The following FSD1 variants were observed in gnomAD, a reference collection of about 807,000 sequenced individuals.
FSD1 encodes fibronectin type III and SPRY domain containing 1, also known as fibronectin type III and SPRY domain-containing protein 1.
A neutral mutation model predicts 58.2 loss-of-function variants in FSD1; 23 were observed. That is an observed-to-expected ratio of 0.40 (90% CI 0.28 to 0.56). The LOEUF (loss-of-function observed/expected upper bound fraction) is 0.56. Among genes scored for constraint, FSD1 ranks in the 20% least tolerant of loss-of-function variants. FSD1 has a pLI of 0.54. For synonymous variants in FSD1, 265 were observed against 263.4 expected (o/e 1.01, Z -0.06); for missense variants, 563 against 670.8 (o/e 0.84, Z 1.78).
rs1316767531 is a variant in FSD1 at position 4,323,513 on chromosome 19, C to T, written c.1381-20C>T. The T allele has an allele frequency of 1.4e-6, 2 of 1,431,958 alleles. No homozygotes were observed. Among genetic ancestry groups the T allele is most frequent in the Non-Finnish European group, 2.0e-6 (2 of 1,015,698 alleles). 88.7% of individuals were successfully genotyped at this position (1,431,958 alleles called of 1,614,324 possible). On this transcript the variant is annotated intron_variant, in intron 12 of 12. Coordinates refer to ENST00000221856, the MANE Select transcript of FSD1 (RefSeq NM_024333.3). The surrounding 1 kb of genome is among the most constrained non-coding windows in gnomAD (Gnocchi z 7.7). ...GGGTTTGAAGCTGAGCCCCTCCCCC[C>T]TCCCCCCGCTGTCCCTCAGGTATGG...
At chr19:4,312,143 C>T (rs946667031) in intron 7 of FSD1, 92 bp downstream of exon 7, 28 of 1,155,162 alleles carry the variant, frequency 2.4e-5, no homozygotes, top group Non-Finnish European at 2.9e-5. Context: ...GCCTTGGGGA[C>T]GATCCCCAAA....
At chr19:4,306,460 T>C in intron 3 of FSD1, 131 bp downstream of exon 3, 8 of 787,770 alleles carry the variant, frequency 1.0e-5, no homozygotes, top group Non-Finnish European at 1.6e-5. Flanking sequence ...TCCATCCACC[T>C]GTACACTCTC....
intron 7 of FSD1, 130 bp downstream of exon 7, chr19:4,312,181 G>A (rs1971700875): frequency 1.2e-6 from 1 of 813,718 alleles, no homozygotes; most frequent in African/African-American, 1.7e-5. Flanking sequence ...GCAGCCTGGG[G>A]AGGTGGATCA....
chr19:4,311,798 C>G (rs374955411), intron 6 of FSD1, 44 bp from the exon 7 acceptor site: 1 of 1,592,142 alleles, frequency 6.3e-7, no homozygotes, highest in Admixed American at 1.7e-5. Flanking sequence ...GCCCCCTGAA[C>G]CAGGCACAGA....
chr19:4,306,824 T>C (rs1971627990), intron 3 of FSD1, among the ~76,000 whole-genome samples: 1 of 151,976 alleles, frequency 6.6e-6, no homozygotes, highest in South Asian at 2.1e-4. Context: ...TCCCCTCCTG[T>C]CTTCACTCAG....
intron 7 of FSD1, among the ~76,000 whole-genome samples, chr19:4,314,724 T>C (rs1292835772): frequency 6.6e-6 from 1 of 152,190 alleles, no homozygotes; most frequent in African/African-American, 2.4e-5. Context: ...TGACCTCAGG[T>C]GATCCGCCTG....
chr19:4,309,963 C>T (rs1971670423), intron 4 of FSD1, among the ~76,000 whole-genome samples: 1 of 150,592 alleles, frequency 6.6e-6, no homozygotes. Flanking sequence ...CACGGTGGCT[C>T]ATGCCTGTAA....
chr19:4,315,301 A>ATTT lies in FSD1; in HGVS notation c.701-1858_701-1856dup, dbSNP rs1219053251. 4.1e-3 allele frequency among the ~76,000 whole-genome samples: 323 copies of ATTT among 79,540 alleles called. 2 individuals are homozygous for ATTT. Among genetic ancestry groups the ATTT allele is most frequent in the African/African-American group, 5.4e-3 (97 of 17,808 alleles). 52.2% of individuals were successfully genotyped at this position (79,540 alleles called of 152,430 possible). On this transcript the variant is annotated intron_variant, in intron 7 of 12. Transcript: ENST00000221856. The stretch of plus-strand genomic sequence containing the variant: ...AGGCATGCGCCCCAACGCCTGGTTA[A>ATTT]TTTTTTTTTTTTTTTTTTTTTTTTT...
chr19:4,323,418 G>T lies in FSD1; in HGVS notation c.1362G>T (p.Pro454=). 6.2e-7 allele frequency: 1 copy of T among 1,613,692 alleles called. No homozygotes were observed. Among genetic ancestry groups the T allele is most frequent in the Non-Finnish European group, 8.5e-7 (1 of 1,179,730 alleles). The change falls in exon 12 of 13, where the codon CCG becomes CCT. Residue 454 remains proline (P), a synonymous_variant. Transcript: ENST00000221856. This position sits in a 1 kb window ranked among gnomAD's most constrained non-coding sequence, Gnocchi z 7.7. The stretch of plus-strand genomic sequence containing the variant: ...CTTTCAAGACCAGGTTCACACAGCC[G>T]CTGCTGCCTGCTTTCACGGTGAGCT... ...LHTFKTRFTQ[P]LLPAFTVWCG...
At position 4,304,625 on chromosome 19, in the gene FSD1, C is replaced by G; in HGVS notation, c.-122C>G. On this transcript the variant is annotated 5_prime_UTR_variant, in exon 1 of 13. Coordinates refer to ENST00000221856, the MANE Select transcript of FSD1 (RefSeq NM_024333.3). Reference sequence around the variant, plus strand: ...AATGCGCGCGGTGATGGAGCGCTAACCGGGGGCGCGGCGGCGGCGAGGGCT... The same window carrying G: ...AATGCGCGCGGTGATGGAGCGCTAAGCGGGGGCGCGGCGGCGGCGAGGGCT... 1 of 527,030 alleles carries G rather than the reference C, an allele frequency of 1.9e-6. No homozygotes were observed. The highest frequency in any genetic ancestry group is 2.9e-6 in the Non-Finnish European group (1 of 348,358). The allele number at this position is 527,030 out of a possible 1,614,324, so 32.6% of individuals were successfully genotyped here. A position where few individuals can be genotyped will look rare whatever the true frequency, so the allele number is the denominator to read the frequency against.
chr19:4,322,314 G>A (rs1298201458), intron 10 of FSD1, among the ~76,000 whole-genome samples: 1 of 141,128 alleles, frequency 7.1e-6, no homozygotes, highest in Non-Finnish European at 1.6e-5. Flanking sequence ...ATCTGGGGGG[G>A]CGGATAGCTG....
intron 1 of FSD1, 78 bp downstream of exon 1, chr19:4,304,839 C>T: frequency 2.1e-6 from 1 of 486,676 alleles, no homozygotes; most frequent in East Asian, 4.2e-5. Flanking sequence ...CGCAGCGCCC[C>T]CACTCCCTCC....
At chr19:4,316,028 A>G (rs574477891) in intron 7 of FSD1, among the ~76,000 whole-genome samples, 4 of 151,514 alleles carry the variant, frequency 2.6e-5, no homozygotes, top group African/African-American at 9.7e-5. Flanking sequence ...CACCTCCCAG[A>G]TGTGCTGGGA....
chr19:4,307,375 T>G (rs1403865978), intron 3 of FSD1, among the ~76,000 whole-genome samples: 1 of 150,724 alleles, frequency 6.6e-6, no homozygotes, highest in Admixed American at 6.6e-5. Context: ...TTTTTTTGTT[T>G]TGTTTTGTTT....
intron 7 of FSD1, among the ~76,000 whole-genome samples, chr19:4,313,179 C>G (rs1971714292): frequency 6.7e-6 from 1 of 148,918 alleles, no homozygotes; most frequent in African/African-American, 2.5e-5. Context: ...AAGAGCCCAT[C>G]TATAAAAAAA....
rs1971721686 is a variant in FSD1, at chr19:4,323,091, A to AGCAACTGG, written c.1150_1157dup (p.Lys386AsnfsTer86). ...GCCTACCGCAGCCTGGGCCGCTTCG[A>AGCAACTGG]GCAACTGGGCAAGACGGCCGCCTCC... On this transcript the variant is annotated frameshift_variant, in exon 11 of 13. Coordinates refer to ENST00000221856, the MANE Select transcript of FSD1 (RefSeq NM_024333.3). LOFTEE classifies it high-confidence loss of function. This position sits in a 1 kb window ranked among gnomAD's most constrained non-coding sequence, Gnocchi z 7.7. 1 of 1,610,084 alleles carries AGCAACTGG rather than the reference A, an allele frequency of 6.2e-7. No homozygotes were observed.
At position 4,304,760 on chromosome 19, in the gene FSD1, G is replaced by A; in HGVS notation, c.14G>A (p.Arg5Lys). ...TGGGCTGCAGCCATGGAAGAACAGA[G>A]GGTAGGACGGGGTGGGGCAGGGCGG... MEEQREALRKIIKTL... is the reference protein window; with the variant it reads MEEQKEALRKIIKTL... The change falls in exon 1 of 13, where the codon AGG (arginine) becomes AAG (lysine). Residue 5 changes from arginine (R) to lysine (K), a missense_variant and splice_region_variant. Arg to Lys is a conservative substitution (Grantham distance 26). Transcript: ENST00000221856. 8.7e-7 allele frequency: 1 copy of A among 1,147,156 alleles called. No homozygotes were observed. Among genetic ancestry groups the A allele is most frequent in the Non-Finnish European group, 1.1e-6 (1 of 910,792 alleles). 71.1% of individuals were successfully genotyped at this position (1,147,156 alleles called of 1,614,324 possible). A position where few individuals can be genotyped will look rare whatever the true frequency, so the allele number is the denominator to read the frequency against.
In FSD1 at chr19:4,308,002, GC is replaced by G; in HGVS notation, c.345+21del. 1.3e-6 allele frequency: 2 copies of G among 1,581,394 alleles called. No homozygotes were observed. The highest frequency in any genetic ancestry group is 1.7e-6 in the Non-Finnish European group (2 of 1,152,370). On this transcript the variant is annotated intron_variant, in intron 4 of 12. Transcript: ENST00000221856. The stretch of plus-strand genomic sequence containing the variant: ...TCCTCAGGTGGGTGCCTCTGATGCT[GC>G]CAGGTAAAGAACAGTGTGCCCAGTC...
At position 4,310,629 on chromosome 19, in the gene FSD1, TC is replaced by T. The variant is rs774239576; in HGVS notation, c.490+35del. The T allele has an allele frequency of 1.3e-5, 20 of 1,598,556 alleles. No individual in the cohort carries two copies. The African/African-American group carries it at 2.7e-4, about 21-fold the overall frequency. Reference sequence around the variant, plus strand: ...GGGCACGCACTAGAGGGCCAGGACTTCCGGGGAATGACCTGGGAGGCTAGGA... The same window carrying T: ...GGGCACGCACTAGAGGGCCAGGACTTCGGGGAATGACCTGGGAGGCTAGGA... On this transcript the variant is annotated intron_variant, in intron 6 of 12. Transcript: ENST00000221856.
Sources: allele counts gnomAD v4.1 joint callset (sites outside exome capture counted in the v4.1 genomes callset), GRCh38; gene constraint gnomAD v4.1.1; non-coding constraint Gnocchi (gnomAD v3.1); transcripts MANE v1.5; gene names NCBI Gene and HGNC (gene_info 2026-07-23, HGNC 2026-07-21).